The following ADGRF5 variants were observed in gnomAD, a reference collection of about 807,000 sequenced individuals.
ADGRF5 encodes the protein G-protein coupled receptor 116.
A neutral mutation model predicts 132.3 loss-of-function variants in ADGRF5; 75 were observed. The observed-to-expected ratio is 0.57, with a 90% CI of 0.47 to 0.69. The LOEUF (loss-of-function observed/expected upper bound fraction) is 0.69, where lower values mean the gene tolerates loss of function less well. Among genes scored for constraint, ADGRF5 ranks in the 30% least tolerant of loss-of-function variants. The probability of loss-of-function intolerance (pLI) is 0.00; values close to 1 mark genes in which losing one functional copy is unlikely to be tolerated. For synonymous variants in ADGRF5, 629 were observed against 597.6 expected, an observed-to-expected ratio of 1.05 and a Z score of -0.77; for missense variants, 1,516 against 1,630.6, an observed-to-expected ratio of 0.93 and a Z score of 1.21.
intron 1 of ADGRF5, among the ~76,000 whole-genome samples, chr6:46,944,397 C>T (rs1430709082): frequency 6.6e-6 from 1 of 152,210 alleles, no homozygotes. Flanking sequence ...AGGACACTGA[C>T]TGGCACTAGT....
chr6:46,897,565 G>A (rs1194877510), intron 3 of ADGRF5, among the ~76,000 whole-genome samples: 2 of 152,088 alleles, frequency 1.3e-5, no homozygotes, highest in African/African-American at 2.4e-5. Context: ...TCATTTTCCT[G>A]GAGAGTCGTG....
intron 1 of ADGRF5, among the ~76,000 whole-genome samples, chr6:46,911,412 A>G (rs1204401496): frequency 1.3e-5 from 2 of 152,232 alleles, no homozygotes; most frequent in African/African-American, 4.8e-5. Flanking sequence ...GAGGGACAGG[A>G]GTAATTACTG....
At chr6:46,930,398 T>C (rs1162798043) in intron 1 of ADGRF5, among the ~76,000 whole-genome samples, 1 of 152,200 alleles carries the variant, frequency 6.6e-6, no homozygotes, top group Non-Finnish European at 1.5e-5. Flanking sequence ...TTTGAAATGT[T>C]TACATATTGT....
intron 1 of ADGRF5, among the ~76,000 whole-genome samples, chr6:46,919,632 C>T (rs138660847): frequency 8.9e-4 from 136 of 152,276 alleles, no homozygotes; most frequent in Non-Finnish European, 1.5e-3. Flanking sequence ...TGTTAGTCTA[C>T]AGGGCCTCAG....
chr6:46,930,588 G>A (rs1044337002), intron 1 of ADGRF5, among the ~76,000 whole-genome samples: 1 of 152,196 alleles, frequency 6.6e-6, no homozygotes. Flanking sequence ...CAGCTTGCAT[G>A]TAAAAATCAT....
intron 1 of ADGRF5, among the ~76,000 whole-genome samples, chr6:46,939,604 G>C (rs139079004): frequency 1.3e-5 from 2 of 151,988 alleles, no homozygotes; most frequent in Non-Finnish European, 2.9e-5. Context: ...ATTTTTAGTA[G>C]CTTCCTTTTG....
chr6:46,877,255 C>T (rs958821720), intron 10 of ADGRF5, among the ~76,000 whole-genome samples: 5 of 35,028 alleles, frequency 1.4e-4, no homozygotes, highest in African/African-American at 9.1e-4. Flanking sequence ...TTCTTTCTTT[C>T]TTTCTTTCTT....
chr6:46,915,012 T>C (rs968445537), intron 1 of ADGRF5, among the ~76,000 whole-genome samples: 6 of 151,834 alleles, frequency 4.0e-5, no homozygotes, highest in Non-Finnish European at 7.4e-5. Context: ...CATGCCACCA[T>C]GCCCGGCTGA....
rs1327922158 is a variant in ADGRF5, at chr6:46,858,475, G to A, written c.3428C>T (p.Ser1143Leu). 2 of 1,613,904 alleles carry A rather than the reference G, an allele frequency of 1.2e-6. No individual in the cohort carries two copies. Among genetic ancestry groups the A allele is most frequent in the Non-Finnish European group, 8.5e-7 (1 of 1,179,834 alleles). Residue 1143 changes from serine to leucine, a missense_variant, in exon 17 of 21, where the codon TCG (serine) becomes TTG (leucine). Around this residue, in one of 2 missense-constraint regions of ADGRF5, gnomAD observed 571 missense variants for 701.2 expected, o/e 0.81. Coordinates refer to ENST00000283296, the MANE Select transcript of ADGRF5 (RefSeq NM_001098518.2). ...CLGYGCPLAI[S>L]VITLGATQPR... ...CTGGGTGGCTCCCAGCGTGATGACC[G>A]AGATGGCAAGTGGGCAGCCATAGCC... is the stretch of plus-strand genomic sequence containing the variant.
At chr6:46,954,117 C>T (rs1010882838) in intron 1 of ADGRF5, among the ~76,000 whole-genome samples, 1 of 151,946 alleles carries the variant, frequency 6.6e-6, no homozygotes, top group Admixed American at 6.6e-5. Flanking sequence ...CACAAGCCTC[C>T]GAGACATCCC....
chr6:46,863,424 C>T (rs1032976848), intron 14 of ADGRF5: 2 of 421,798 alleles, frequency 4.7e-6, no homozygotes, highest in Admixed American at 3.0e-5. Flanking sequence ...AAATCGGAAT[C>T]GTCAGAGCGG....
At chr6:46,935,520 C>T (rs540067788) in intron 1 of ADGRF5, among the ~76,000 whole-genome samples, 12 of 152,166 alleles carry the variant, frequency 7.9e-5, no homozygotes, top group African/African-American at 2.9e-4. Context: ...TATCTCAGAG[C>T]AGTACTTTTA....
Position 46,868,853 on chromosome 6 carries a change from G to A in ADGRF5, c.1621+30C>T, listed in dbSNP as rs777791506. On this transcript the variant is annotated intron_variant, in intron 12 of 20. Coordinates refer to ENST00000283296, the MANE Select transcript of ADGRF5 (RefSeq NM_001098518.2). ...TTGCATGTTTCCAAGAGCCCAGGCA[G>A]CACAATACGGTGTCCGGCCTTTCAC... is the stretch of plus-strand genomic sequence containing the variant. 7.1e-6 allele frequency: 10 copies of A among 1,415,860 alleles called. No individual in the cohort carries two copies. The South Asian group carries it at 7.1e-5, about 10-fold the overall frequency. 87.7% of individuals were successfully genotyped at this position (1,415,860 alleles called of 1,614,324 possible).
At chr6:46,861,024 C>T in intron 15 of ADGRF5, 130 bp from the exon 16 acceptor site, 1 of 654,988 alleles carries the variant, frequency 1.5e-6, no homozygotes, top group South Asian at 2.0e-5. Context: ...ATAAATATGT[C>T]CCATAAGATG....
chr6:46,906,629 G>T, intron 2 of ADGRF5, 32 bp downstream of exon 2: 3 of 1,132,530 alleles, frequency 2.6e-6, no homozygotes, highest in Non-Finnish European at 3.9e-6. Context: ...AATGTGACAA[G>T]AAAAATTATA....
At chr6:46,937,929 C>T (rs1447643689) in intron 1 of ADGRF5, among the ~76,000 whole-genome samples, 1 of 152,116 alleles carries the variant, frequency 6.6e-6, no homozygotes, top group Non-Finnish European at 1.5e-5. Context: ...TAATTTAAAA[C>T]TTATAAATTT....
chr6:46,920,793 G>A lies in ADGRF5; in HGVS notation c.-25+920C>T, dbSNP rs113002117. On this transcript the variant is annotated intron_variant, in intron 1 of 20. Coordinates refer to ENST00000283296, the MANE Select transcript of ADGRF5 (RefSeq NM_001098518.2). ...CAGGAGGATCGTTTGAACCCGGGAG[G>A]CAGAGGTTGTAGTGAACCAAGATCG... Among the ~76,000 whole-genome samples the A allele has an allele frequency of 3.3e-5, 5 of 152,128 alleles. No homozygotes were observed. In the East Asian group the frequency reaches 7.7e-4, roughly 24 times the overall value.
At chr6:46,876,836 C>T (rs1377488321) in intron 10 of ADGRF5, among the ~76,000 whole-genome samples, 1 of 152,166 alleles carries the variant, frequency 6.6e-6, no homozygotes, top group Non-Finnish European at 1.5e-5. Flanking sequence ...AATGCTCAAC[C>T]TCAGATGATC....
chr6:46,878,976 G>A (rs1772137974), intron 9 of ADGRF5, among the ~76,000 whole-genome samples: 1 of 152,132 alleles, frequency 6.6e-6, no homozygotes, highest in South Asian at 2.1e-4. Flanking sequence ...CGAAGAGAGG[G>A]ATAACAGTGG....
Sources: gnomAD v4.1 joint callset for allele counts (sites outside exome capture counted in the v4.1 genomes callset) on GRCh38, gnomAD v4.1.1 for gene constraint, gnomAD v4.1.1 regional missense constraint, MANE v1.5 for transcripts, NCBI Gene and HGNC (gene_info 2026-07-23, HGNC 2026-07-21) for gene names.